DEPTOR: variants seen among roughly 807,000 people sequenced by gnomAD.
DEPTOR encodes the protein DEP domain containing MTOR interacting protein.
DEPTOR carries 41 observed loss-of-function variants against 41.6 expected under a neutral mutation model. That is an observed-to-expected ratio of 0.98 (90% CI 0.77 to 1.28). The LOEUF is 1.28. Ranked by LOEUF, DEPTOR falls within the 50% of genes most tolerant of loss-of-function variation. DEPTOR has a pLI of 0.00. For synonymous variants in DEPTOR, 195 were observed against 192.3 expected (o/e 1.01, Z -0.12); for missense variants, 514 against 527.9 (o/e 0.97, Z 0.26).
chr8:119,903,057 T>A (rs1827615773), intron 1 of DEPTOR, among the ~76,000 whole-genome samples: 1 of 152,188 alleles, frequency 6.6e-6, no homozygotes, highest in African/African-American at 2.4e-5. Flanking sequence ...CAGTGCCCAA[T>A]GGACAGCAGT....
chr8:119,893,111 T>G (rs1290592534), intron 1 of DEPTOR, among the ~76,000 whole-genome samples: 1 of 152,200 alleles, frequency 6.6e-6, no homozygotes, highest in Non-Finnish European at 1.5e-5. Flanking sequence ...AATTACATCT[T>G]TCAAGTGAAG....
At chr8:120,024,214 G>A (rs1251376540) in intron 8 of DEPTOR, among the ~76,000 whole-genome samples, 1 of 152,100 alleles carries the variant, frequency 6.6e-6, no homozygotes, top group Non-Finnish European at 1.5e-5. Flanking sequence ...TCCATCCTGG[G>A]TGACAGAGCA....
At chr8:119,934,260 A>C (rs1828082280) in intron 3 of DEPTOR, among the ~76,000 whole-genome samples, 1 of 152,196 alleles carries the variant, frequency 6.6e-6, no homozygotes, top group African/African-American at 2.4e-5. Context: ...TCAAAACTAC[A>C]ATTTCAGTAA....
chr8:119,882,695 C>T (rs1563955869), intron 1 of DEPTOR, among the ~76,000 whole-genome samples: 1 of 152,210 alleles, frequency 6.6e-6, no homozygotes, highest in Non-Finnish European at 1.5e-5. Flanking sequence ...AGGCCATCAG[C>T]ACCAGCTTCT....
intron 3 of DEPTOR, among the ~76,000 whole-genome samples, chr8:119,945,251 A>G (rs1231332223): frequency 6.6e-6 from 1 of 152,234 alleles, no homozygotes; most frequent in East Asian, 1.9e-4. Context: ...AGAATGTTGA[A>G]ATTTCAGTAA....
At chr8:120,022,355 T>C (rs1291063757) in intron 8 of DEPTOR, among the ~76,000 whole-genome samples, 2 of 152,104 alleles carry the variant, frequency 1.3e-5, no homozygotes, top group African/African-American at 4.8e-5. Flanking sequence ...AACATTTTTA[T>C]TCACAACAGT....
intron 3 of DEPTOR, among the ~76,000 whole-genome samples, chr8:119,956,384 G>T (rs1366059373): frequency 1.3e-5 from 2 of 152,208 alleles, no homozygotes; most frequent in Non-Finnish European, 2.9e-5. Flanking sequence ...TCCAATCCAG[G>T]CAGGCATGCC....
chr8:119,928,810 C>T (rs1412523565), intron 2 of DEPTOR, among the ~76,000 whole-genome samples: 1 of 143,484 alleles, frequency 7.0e-6, no homozygotes, highest in Non-Finnish European at 1.5e-5. Flanking sequence ...AGGCTGGTCT[C>T]GAACTCCTGA....
intron 3 of DEPTOR, among the ~76,000 whole-genome samples, chr8:119,943,527 C>T (rs1163906719): frequency 1.3e-5 from 2 of 152,148 alleles, no homozygotes; most frequent in East Asian, 3.9e-4. Flanking sequence ...GATCCAGTCA[C>T]CTCCCACCCA....
At chr8:119,992,783 A>G (rs1213655980) in intron 4 of DEPTOR, among the ~76,000 whole-genome samples, 1 of 151,584 alleles carries the variant, frequency 6.6e-6, no homozygotes, top group Non-Finnish European at 1.5e-5. Flanking sequence ...CAGTCTCCCA[A>G]GTAGCTGGAA....
At chr8:120,030,375 C>T (rs1221707473) in intron 8 of DEPTOR, among the ~76,000 whole-genome samples, 1 of 151,738 alleles carries the variant, frequency 6.6e-6, no homozygotes, top group Non-Finnish European at 1.5e-5. Context: ...CTGTCTGATA[C>T]TATAATGGTG....
intron 1 of DEPTOR, among the ~76,000 whole-genome samples, chr8:119,878,439 C>T (rs1263635035): frequency 6.6e-6 from 1 of 152,002 alleles, no homozygotes; most frequent in Non-Finnish European, 1.5e-5. Context: ...CCTGCCTCAG[C>T]CTCCCGAGTA....
chr8:120,045,086 C>A (rs1186320064), intron 8 of DEPTOR, among the ~76,000 whole-genome samples: 1 of 152,084 alleles, frequency 6.6e-6, no homozygotes, highest in Non-Finnish European at 1.5e-5. Context: ...TCCTCTATAC[C>A]CCTAGAGATG....
chr8:120,037,186 CA>C (rs2130188763), intron 8 of DEPTOR, among the ~76,000 whole-genome samples: 1 of 152,168 alleles, frequency 6.6e-6, no homozygotes, highest in African/African-American at 2.4e-5. Context: ...AGAGGAAAAC[CA>C]ATATTTATTT....
At chr8:120,046,643 G>A (rs889743264) in intron 8 of DEPTOR, among the ~76,000 whole-genome samples, 1 of 151,948 alleles carries the variant, frequency 6.6e-6, no homozygotes, top group African/African-American at 2.4e-5. Flanking sequence ...ATTTTGTAGA[G>A]ACGGAGTCTC....
At chr8:119,884,634 G>C (rs1563956317) in intron 1 of DEPTOR, among the ~76,000 whole-genome samples, 2 of 150,472 alleles carry the variant, frequency 1.3e-5, no homozygotes, top group Non-Finnish European at 2.9e-5. Context: ...GAGTTAGTTT[G>C]CTACTTAAAA....
intron 8 of DEPTOR, among the ~76,000 whole-genome samples, chr8:120,021,769 T>G (rs1053345968): frequency 3.9e-5 from 6 of 152,158 alleles, no homozygotes; most frequent in Non-Finnish European, 7.3e-5. Flanking sequence ...TAAAAAAGTG[T>G]GTATGAGGTA....
At chr8:119,922,542 C>T (rs1468667273) in intron 1 of DEPTOR, among the ~76,000 whole-genome samples, 1 of 152,130 alleles carries the variant, frequency 6.6e-6, no homozygotes, top group African/African-American at 2.4e-5. Flanking sequence ...CTTTAGCACA[C>T]CGTATGTAAA....
At chr8:119,966,770 C>T (rs557077660) in intron 4 of DEPTOR, among the ~76,000 whole-genome samples, 1 of 152,148 alleles carries the variant, frequency 6.6e-6, no homozygotes, top group Non-Finnish European at 1.5e-5. Flanking sequence ...AACAACCATG[C>T]CGGGCCCAAG....
Sources: gnomAD v4.1 joint callset for allele counts (sites outside exome capture counted in the v4.1 genomes callset) on GRCh38, gnomAD v4.1.1 for gene constraint, MANE v1.5 for transcripts, NCBI Gene and HGNC (gene_info 2026-07-23, HGNC 2026-07-21) for gene names.